Variants in PRKCB observed in about 807,000 individuals in gnomAD.
PRKCB encodes protein kinase C beta.
A neutral mutation model predicts 81.5 loss-of-function variants in PRKCB; 13 were observed. The ratio of observed to expected loss-of-function variants is 0.16; its 90% confidence interval spans 0.10 to 0.25. The LOEUF is 0.25. Ranked by LOEUF, PRKCB falls within the 10% of genes least tolerant of loss-of-function variation. The pLI is 1.00. For missense variants in PRKCB, 509 were observed against 875.7 expected (o/e 0.58, Z 5.29); for synonymous variants, 335 against 321.4 (o/e 1.04, Z -0.45).
chr16:24,060,826 G>A (rs1008838777), intron 5 of PRKCB, among the ~76,000 whole-genome samples: 7 of 152,190 alleles, frequency 4.6e-5, no homozygotes, highest in South Asian at 2.1e-4. Context: ...TCAGTTTCTC[G>A]ATTTCATCCT....
chr16:24,061,754 A>G (rs1047301664), intron 5 of PRKCB, among the ~76,000 whole-genome samples: 3 of 152,168 alleles, frequency 2.0e-5, no homozygotes, highest in African/African-American at 7.2e-5. Flanking sequence ...ATAAAAATAA[A>G]TAACTTCCCG....
At chr16:24,214,321 CT>C (rs1968190234) in intron 16 of PRKCB, among the ~76,000 whole-genome samples, 1 of 152,056 alleles carries the variant, frequency 6.6e-6, no homozygotes, top group South Asian at 2.1e-4. Flanking sequence ...GCTTGGCTGA[CT>C]TCTCGGGGTG....
chr16:24,045,042 A>C (rs1416180639), intron 5 of PRKCB, among the ~76,000 whole-genome samples: 1 of 151,838 alleles, frequency 6.6e-6, no homozygotes, highest in Non-Finnish European at 1.5e-5. Flanking sequence ...GGTGAGGGGG[A>C]TTGTGTTGTG....
At chr16:24,197,123 T>C (rs1967891422) in intron 16 of PRKCB, among the ~76,000 whole-genome samples, 1 of 152,172 alleles carries the variant, frequency 6.6e-6, no homozygotes, top group South Asian at 2.1e-4. Context: ...AACATAGCAC[T>C]AAAAATAATT....
At chr16:24,123,024 A>G (rs1196938010) in intron 8 of PRKCB, among the ~76,000 whole-genome samples, 2 of 152,254 alleles carry the variant, frequency 1.3e-5, no homozygotes, top group Non-Finnish European at 2.9e-5. Context: ...ACCATGGAGA[A>G]TGAGAAATAT....
rs532900354 is a variant in PRKCB, at chr16:24,186,550, A to T, written c.1722+983A>T. Among the ~76,000 whole-genome samples the T allele has an allele frequency of 1.4e-3, 215 of 152,328 alleles. No homozygotes were observed. The Middle Eastern group carries it at 0.017, about 12-fold the overall frequency. On this transcript the variant is annotated intron_variant, in intron 15 of 16. Transcript: ENST00000643927. ...ACAGGTTAGAACATGGCCGTGCCTTAATCAGTGGGTTCCCACCTGTGTGTC... is the reference window on the plus strand; with the variant it reads ...ACAGGTTAGAACATGGCCGTGCCTTTATCAGTGGGTTCCCACCTGTGTGTC...
chr16:24,113,476 CCTTT>C (rs1028655569), intron 8 of PRKCB, among the ~76,000 whole-genome samples: 2 of 149,332 alleles, frequency 1.3e-5, no homozygotes, highest in Non-Finnish European at 3.0e-5. Flanking sequence ...CTTCCTTCTT[CCTTT>C]CTTCCTTCCT....
intron 16 of PRKCB, among the ~76,000 whole-genome samples, chr16:24,194,392 ATC>A (rs1184540368): frequency 3.9e-5 from 6 of 152,336 alleles, no homozygotes; most frequent in African/African-American, 1.2e-4. Context: ...TCTTTTATAT[ATC>A]AGAACAAATT....
At chr16:24,045,024 G>A (rs1023533826) in intron 5 of PRKCB, among the ~76,000 whole-genome samples, 13 of 152,196 alleles carry the variant, frequency 8.5e-5, no homozygotes, top group African/African-American at 2.9e-4. Flanking sequence ...GAGTGAAGAG[G>A]CTGTGGCGGT....
intron 3 of PRKCB, among the ~76,000 whole-genome samples, chr16:24,006,020 G>T (rs1429612734): frequency 6.6e-6 from 1 of 152,168 alleles, no homozygotes; most frequent in Non-Finnish European, 1.5e-5. Context: ...GATAAGTAAT[G>T]TCAGGGGCAA....
chr16:23,999,500 G>A (rs755524642), intron 3 of PRKCB, among the ~76,000 whole-genome samples: 3 of 152,222 alleles, frequency 2.0e-5, no homozygotes, highest in Non-Finnish European at 2.9e-5. Flanking sequence ...CAATAACAAT[G>A]AGAATAGACA....
intron 5 of PRKCB, among the ~76,000 whole-genome samples, chr16:24,059,993 C>T (rs748795826): frequency 6.6e-6 from 1 of 152,078 alleles, no homozygotes; most frequent in Non-Finnish European, 1.5e-5. Context: ...GTGTAGACAA[C>T]TCATGAGAAT....
chr16:24,109,351 G>T lies in PRKCB; in HGVS notation c.822-3622G>T, dbSNP rs183373759. Among the ~76,000 whole-genome samples, 3 of 62,048 alleles carry T rather than the reference G, an allele frequency of 4.8e-5. 1 individual carries two copies. The highest frequency in any genetic ancestry group is 1.1e-4 in the Non-Finnish European group (3 of 28,562). The allele number at this position is 62,048 out of a possible 152,430, so 40.7% of individuals were successfully genotyped here. A position where few individuals can be genotyped will look rare whatever the true frequency, so the allele number is the denominator to read the frequency against. On this transcript the variant is annotated intron_variant, in intron 7 of 16. Coordinates refer to ENST00000643927, the MANE Select transcript of PRKCB (RefSeq NM_002738.7). The stretch of plus-strand genomic sequence containing the variant: ...CGGAGACGCTCCTCACTTCCCAGAC[G>T]GGGCGGCTGCTAGGCGGAGGGGCTC...
intron 2 of PRKCB, 62 bp downstream of exon 2, chr16:23,837,468 A>T (rs779259583): frequency 1.3e-5 from 20 of 1,571,698 alleles, no homozygotes; most frequent in Non-Finnish European, 1.7e-5. Context: ...TACTTTATAG[A>T]AGAAGTTACT....
intron 3 of PRKCB, among the ~76,000 whole-genome samples, chr16:24,027,942 A>G (rs1567349617): frequency 2.6e-5 from 4 of 151,836 alleles, no homozygotes; most frequent in African/African-American, 4.8e-5. Flanking sequence ...GCTTTAATAC[A>G]TATATATAGT....
intron 2 of PRKCB, among the ~76,000 whole-genome samples, chr16:23,845,132 A>G (rs1015233187): frequency 1.3e-5 from 2 of 152,122 alleles, no homozygotes; most frequent in Non-Finnish European, 2.9e-5. Flanking sequence ...GTCAAGTTCT[A>G]TTTGTCAGGA....
At chr16:23,861,173 CT>C (rs773799217) in intron 2 of PRKCB, among the ~76,000 whole-genome samples, 481 of 143,750 alleles carry the variant, frequency 3.3e-3, no homozygotes, top group Non-Finnish European at 3.7e-3. Context: ...TGCATTAGTT[CT>C]TTTTTTTTTT....
chr16:23,871,744 AT>A (rs1962908368), intron 2 of PRKCB, among the ~76,000 whole-genome samples: 1 of 151,576 alleles, frequency 6.6e-6, no homozygotes, highest in Admixed American at 6.6e-5. Context: ...TGCCTGGCTA[AT>A]TTTTGTATTT....
intron 7 of PRKCB, among the ~76,000 whole-genome samples, chr16:24,110,128 A>G (rs1966654833): frequency 1.2e-5 from 1 of 81,680 alleles, no homozygotes; most frequent in African/African-American, 8.8e-5. Flanking sequence ...GGAGAGGGAG[A>G]GGGAGAGGGA....
Sources: gnomAD v4.1 joint callset for allele counts (sites outside exome capture counted in the v4.1 genomes callset) on GRCh38, gnomAD v4.1.1 for gene constraint, MANE v1.5 for transcripts, NCBI Gene and HGNC (gene_info 2026-07-23, HGNC 2026-07-21) for gene names.